Variants in ATF7IP2 observed in about 807,000 individuals in gnomAD.
The protein encoded by ATF7IP2 is activating transcription factor 7 interacting protein 2.
Under a neutral mutation model 64.2 loss-of-function variants are expected in ATF7IP2, and 42 were observed. That is an observed-to-expected ratio of 0.65 (90% CI 0.51 to 0.85). The LOEUF is 0.85. Among genes scored for constraint, ATF7IP2 ranks in the 40% least tolerant of loss-of-function variants. The pLI is 0.00. For missense variants in ATF7IP2, 933 were observed against 784.2 expected, an observed-to-expected ratio of 1.19 and a Z score of -2.27; for synonymous variants, 308 against 272.8, an observed-to-expected ratio of 1.13 and a Z score of -1.27.
rs578007679 is a variant in ATF7IP2 at position 10,389,421 on chromosome 16, G to C, written c.-242+3299G>C. 2.8e-4 allele frequency among the ~76,000 whole-genome samples: 43 copies of C among 152,122 alleles called. 3 individuals are homozygous for C. ...CTCCTTCCCTTGGGCATAAGACCTG[G>C]CTATAGGAAATCTAGCTAATTACAA... On this transcript the variant is annotated intron_variant, in intron 1 of 13. Transcript: ENST00000562102.
intron 2 of ATF7IP2, among the ~76,000 whole-genome samples, chr16:10,416,806 T>G (rs2047889189): frequency 6.6e-6 from 1 of 152,106 alleles, no homozygotes; most frequent in Non-Finnish European, 1.5e-5. Flanking sequence ...CAAAAAAAAG[T>G]AGTTAGAATG....
chr16:10,395,503 G>A (rs1489984888), intron 1 of ATF7IP2, among the ~76,000 whole-genome samples: 1 of 152,038 alleles, frequency 6.6e-6, no homozygotes, highest in East Asian at 1.9e-4. Context: ...GAAAACTGCA[G>A]AACGATGTTT....
chr16:10,469,370 G>A (rs1437889240), intron 9 of ATF7IP2, among the ~76,000 whole-genome samples: 3 of 151,978 alleles, frequency 2.0e-5, no homozygotes, highest in Non-Finnish European at 2.9e-5. Flanking sequence ...ACTAAGGCAG[G>A]AGCTGAGCAA....
At chr16:10,412,923 G>C (rs1423859006) in intron 1 of ATF7IP2, among the ~76,000 whole-genome samples, 1 of 152,002 alleles carries the variant, frequency 6.6e-6, no homozygotes, top group Admixed American at 6.6e-5. Context: ...GTCCCTCTTT[G>C]TCTTTTTTAA....
At chr16:10,474,094 C>G in intron 12 of ATF7IP2, 105 bp downstream of exon 12, 1 of 729,110 alleles carries the variant, frequency 1.4e-6, no homozygotes, top group Non-Finnish European at 2.3e-6. Flanking sequence ...GTGAGTGTGC[C>G]TATGTTTATA....
chr16:10,433,434 C>T, intron 5 of ATF7IP2, 91 bp from the exon 6 acceptor site: 1 of 1,228,534 alleles, frequency 8.1e-7, no homozygotes, highest in Non-Finnish European at 1.1e-6. Flanking sequence ...CTTAGCCTCC[C>T]AGAGTGCTGG....
At chr16:10,434,579 C>T (rs764060833) in intron 6 of ATF7IP2, among the ~76,000 whole-genome samples, 1 of 151,964 alleles carries the variant, frequency 6.6e-6, no homozygotes, top group Non-Finnish European at 1.5e-5. Flanking sequence ...GCTTAAAGGG[C>T]GAGTCAACAG....
At chr16:10,388,441 T>C (rs2047249764) in intron 1 of ATF7IP2, among the ~76,000 whole-genome samples, 1 of 152,250 alleles carries the variant, frequency 6.6e-6, no homozygotes, top group African/African-American at 2.4e-5. Flanking sequence ...TATATGTGTC[T>C]ACTAAATGTG....
chr16:10,451,798 C>T (rs938715460), intron 8 of ATF7IP2, among the ~76,000 whole-genome samples: 6 of 152,018 alleles, frequency 3.9e-5, no homozygotes, highest in African/African-American at 1.2e-4. Flanking sequence ...CTGGCTCACA[C>T]CTGTAATCCC....
intron 1 of ATF7IP2, among the ~76,000 whole-genome samples, chr16:10,393,315 C>CAAA (rs58879332): frequency 7.8e-5 from 6 of 77,156 alleles, no homozygotes; most frequent in Admixed American, 1.5e-4. Context: ...GACTCTGTCT[C>CAAA]AAAAAAAAAA....
chr16:10,479,630 A>G (rs970709790), intron 12 of ATF7IP2, among the ~76,000 whole-genome samples: 7 of 151,978 alleles, frequency 4.6e-5, no homozygotes, highest in African/African-American at 1.5e-4. Context: ...GTGCACATGT[A>G]CCCTAAAACT....
At chr16:10,431,529 A>T in intron 5 of ATF7IP2, 74 bp downstream of exon 5, 1 of 1,000,854 alleles carries the variant, frequency 1.0e-6, no homozygotes, top group Non-Finnish European at 1.5e-6. Flanking sequence ...AAAGTCTCAA[A>T]TATACAAACC....
intron 1 of ATF7IP2, among the ~76,000 whole-genome samples, chr16:10,408,324 A>G (rs1198355047): frequency 6.6e-6 from 1 of 152,214 alleles, no homozygotes; most frequent in Non-Finnish European, 1.5e-5. Flanking sequence ...TCTTTTTTGT[A>G]TAATGACTAC....
intron 1 of ATF7IP2, chr16:10,386,731 G>T (rs1025621062): frequency 1.3e-5 from 2 of 152,174 alleles, no homozygotes; most frequent in African/African-American, 4.8e-5. Context: ...TAAGGAAGAC[G>T]ATTTCCTTAA....
At chr16:10,447,113 G>C (rs1256542740) in intron 8 of ATF7IP2, 2 of 152,172 alleles carry the variant, frequency 1.3e-5, no homozygotes, top group Non-Finnish European at 2.9e-5. Flanking sequence ...CTGCAGATTG[G>C]ACTCACTCAC....
At position 10,454,008 on chromosome 16, in the gene ATF7IP2, G is replaced by GT. The variant is rs111552848; in HGVS notation, c.1195-3350dup. On this transcript the variant is annotated intron_variant, in intron 8 of 13. Transcript: ENST00000562102. Reference sequence around the variant, plus strand: ...TCTTTCGTAGGTACAGAGCCATTCAGTTTTTTTTTTTTTTCCATCTTTTAT... The same window carrying GT: ...TCTTTCGTAGGTACAGAGCCATTCAGTTTTTTTTTTTTTTTCCATCTTTTAT... 7.3e-3 allele frequency: 1,049 copies of GT among 142,820 alleles called. 7 individuals are homozygous for GT. The highest frequency in any genetic ancestry group is 0.027 in the East Asian group (134 of 4,902). 8.8% of individuals were successfully genotyped at this position (142,820 alleles called of 1,614,324 possible).
Position 10,430,633 on chromosome 16 carries a change from G to A in ATF7IP2, c.13G>A (p.Asp5Asn), listed in dbSNP as rs780272570. The A allele has an allele frequency of 1.9e-6, 3 of 1,611,178 alleles. No individual in the cohort carries two copies. The East Asian group carries it at 6.7e-5, about 36-fold the overall frequency. Residue 5 changes from aspartate (D) to asparagine (N), a missense_variant, in exon 5 of 14, where the codon GAT becomes AAT. By Grantham distance (23) the Asp-to-Asn change is conservative. Coordinates refer to ENST00000562102, the MANE Select transcript of ATF7IP2 (RefSeq NM_001393719.1). Reference protein sequence around the residue: MASPDRSKRKILKAK... With the variant: MASPNRSKRKILKAK... ...CAGGATATGAAAGATGGCAAGTCCA[G>A]ATAGAAGTAAACGGAAGATATTAAA...
intron 7 of ATF7IP2, among the ~76,000 whole-genome samples, 194 bp from the exon 8 acceptor site, chr16:10,440,169 AT>A (rs200608405): frequency 3.2e-4 from 49 of 151,662 alleles, no homozygotes; most frequent in Non-Finnish European, 5.7e-4. Flanking sequence ...TCAAAAAAAA[AT>A]TTTTTTTATT....
intron 8 of ATF7IP2, among the ~76,000 whole-genome samples, chr16:10,455,548 G>C (rs1208327847): frequency 6.6e-6 from 1 of 152,252 alleles, no homozygotes; most frequent in Non-Finnish European, 1.5e-5. Flanking sequence ...GTACCAGGAA[G>C]TGTGGGGTGC....
Sources: gnomAD v4.1 joint callset for allele counts (sites outside exome capture counted in the v4.1 genomes callset) on GRCh38, gnomAD v4.1.1 for gene constraint, MANE v1.5 for transcripts, NCBI Gene and HGNC (gene_info 2026-07-23, HGNC 2026-07-21) for gene names.